MYO9B: variants seen among roughly 807,000 people sequenced by gnomAD.
The protein encoded by MYO9B is myosin IXB, also known as unconventional myosin-IXb.
Under a neutral mutation model 229.5 loss-of-function variants are expected in MYO9B, and 71 were observed. That is an observed-to-expected ratio of 0.31 (90% CI 0.26 to 0.38). The LOEUF is 0.38. Ranked by LOEUF, MYO9B falls within the 10% of genes least tolerant of loss-of-function variation. The pLI is 1.00. For missense variants in MYO9B, 2,255 were observed against 2,920.5 expected (o/e 0.77, Z 5.25); for synonymous variants, 1,185 against 1,235.8 (o/e 0.96, Z 0.86).
chr19:17,118,515 T>C (rs962418336), intron 2 of MYO9B, among the ~76,000 whole-genome samples: 4 of 152,024 alleles, frequency 2.6e-5, no homozygotes, highest in African/African-American at 9.7e-5. Flanking sequence ...AGAGTTTCAC[T>C]CTGTCACCCA....
chr19:17,116,652 G>A (rs150657154), intron 2 of MYO9B, among the ~76,000 whole-genome samples: 139 of 152,280 alleles, frequency 9.1e-4, no homozygotes, highest in Non-Finnish European at 1.7e-3. Context: ...AGCAGCAGGC[G>A]CTGTGAGGGG....
chr19:17,113,388 A>G (rs990652669), intron 2 of MYO9B, among the ~76,000 whole-genome samples: 6 of 152,186 alleles, frequency 3.9e-5, no homozygotes, highest in African/African-American at 1.4e-4. Flanking sequence ...GGGTAGGCGC[A>G]CTGCTGTGGT....
chr19:17,113,291 C>T (rs1056362101), intron 2 of MYO9B, among the ~76,000 whole-genome samples: 7 of 152,054 alleles, frequency 4.6e-5, no homozygotes, highest in African/African-American at 1.2e-4. Context: ...CAGCCTGGTG[C>T]ACTTCAAAGG....
intron 1 of MYO9B, among the ~76,000 whole-genome samples, chr19:17,078,666 T>C (rs2057508174): frequency 6.6e-6 from 1 of 152,180 alleles, no homozygotes; most frequent in African/African-American, 2.4e-5. Flanking sequence ...CAAGGGGGAT[T>C]CCAGCAAGTT....
chr19:17,209,783 TG>T lies in MYO9B; in HGVS notation c.5748+76del. On this transcript the variant is annotated intron_variant, in intron 36 of 39. Coordinates refer to ENST00000682292, the MANE Select transcript of MYO9B (RefSeq NM_004145.4). ...CTGGTGCTGGGCAGGGCCTTGGGCG[TG>T]GCTTTGTTGCTGGGAAGGCTGGTGA... The T allele has an allele frequency of 2.2e-6, 3 of 1,389,256 alleles. No homozygotes were observed. In the South Asian group the frequency reaches 3.8e-5, roughly 17 times the overall value. 86.1% of individuals were successfully genotyped at this position (1,389,256 alleles called of 1,614,324 possible). A position where few individuals can be genotyped will look rare whatever the true frequency, so the allele number is the denominator to read the frequency against.
chr19:17,124,930 A>G (rs1159188074), intron 2 of MYO9B, among the ~76,000 whole-genome samples: 1 of 152,118 alleles, frequency 6.6e-6, no homozygotes, highest in African/African-American at 2.4e-5. Flanking sequence ...GAACGGAAGT[A>G]AATGAATTCA....
At chr19:17,137,379 G>A (rs1415541488) in intron 2 of MYO9B, among the ~76,000 whole-genome samples, 1 of 152,106 alleles carries the variant, frequency 6.6e-6, no homozygotes, top group Non-Finnish European at 1.5e-5. Flanking sequence ...CTGGGCGACA[G>A]AGTGAGACCC....
At chr19:17,168,339 A>G (rs937724153) in intron 11 of MYO9B, among the ~76,000 whole-genome samples, 2 of 151,828 alleles carry the variant, frequency 1.3e-5, no homozygotes, top group African/African-American at 4.8e-5. Context: ...TAATTTTTGT[A>G]TTTCTTTGTA....
chr19:17,161,987 CA>C (rs71180369), intron 8 of MYO9B, among the ~76,000 whole-genome samples: 4,522 of 110,210 alleles, frequency 0.041, 219 homozygotes, highest in African/African-American at 0.14. Context: ...GACCCTGTGT[CA>C]AAAAAAAAAA....
chr19:17,184,112 G>A (rs1241053854), intron 16 of MYO9B: 1 of 536,320 alleles, frequency 1.9e-6, no homozygotes, highest in Non-Finnish European at 3.3e-6. Flanking sequence ...GGGCTTACGT[G>A]AGAAGGCAGA....
Position 17,162,662 on chromosome 19 carries a change from G to T in MYO9B, c.1536+196G>T, listed in dbSNP as rs191442827. Among the ~76,000 whole-genome samples, 167 of 152,040 alleles carry T rather than the reference G, an allele frequency of 1.1e-3. 1 individual carries two copies. Among genetic ancestry groups the T allele is most frequent in the Middle Eastern group, 3.4e-3 (1 of 294 alleles). On this transcript the variant is annotated intron_variant, in intron 9 of 39. Transcript: ENST00000682292. ...GCCCAGGGCAGAATGAAAACATAAG[G>T]CCCCTTATTCAAAAACGACAGATTC...
intron 4 of MYO9B, 122 bp from the exon 5 acceptor site, chr19:17,153,845 T>A: frequency 1.4e-6 from 1 of 718,834 alleles, no homozygotes; most frequent in South Asian, 1.6e-5. Flanking sequence ...AGAACTGACG[T>A]ACTGTTTTAA....
At chr19:17,171,782 T>C (rs2072727530) in intron 11 of MYO9B, among the ~76,000 whole-genome samples, 1 of 151,882 alleles carries the variant, frequency 6.6e-6, no homozygotes, top group South Asian at 2.1e-4. Flanking sequence ...CAAGTCCCCT[T>C]CTCTTAAGAA....
intron 1 of MYO9B, among the ~76,000 whole-genome samples, chr19:17,079,849 G>T: frequency 6.6e-6 from 1 of 152,158 alleles, no homozygotes; most frequent in East Asian, 1.9e-4. Context: ...CGGCCTCTCG[G>T]CAAAGCAAGA....
At chr19:17,184,333 C>T (rs888846269) in intron 16 of MYO9B, among the ~76,000 whole-genome samples, 6 of 152,198 alleles carry the variant, frequency 3.9e-5, no homozygotes, top group Non-Finnish European at 7.3e-5. Flanking sequence ...CGCTCTGTCT[C>T]GTTTCCACAT....
chr19:17,109,092 A>T (rs1208862961), intron 2 of MYO9B, among the ~76,000 whole-genome samples: 1 of 136,336 alleles, frequency 7.3e-6, no homozygotes, highest in African/African-American at 2.8e-5. Context: ...TTTGAAACAG[A>T]GTTTCTCTCT....
intron 4 of MYO9B, 164 bp downstream of exon 4, chr19:17,152,870 C>G: frequency 1.6e-6 from 1 of 620,786 alleles, no homozygotes; most frequent in Non-Finnish European, 2.8e-6. Context: ...TCTCCCCAGA[C>G]CTGCCCCTGT....
Position 17,212,409 on chromosome 19 carries a change from C to A in MYO9B, c.*99C>A. On this transcript the variant is annotated 3_prime_UTR_variant, in exon 40 of 40. Coordinates refer to ENST00000682292, the MANE Select transcript of MYO9B (RefSeq NM_004145.4). This position sits in a 1 kb window ranked among gnomAD's most constrained non-coding sequence, Gnocchi z 5.4. ...TAGTGTTCGGCCCTCAGAGAAGGAT[C>A]CAGAATCAAAAGCTCAAGAGTGACG... 7.5e-7 allele frequency: 1 copy of A among 1,337,536 alleles called. No individual in the cohort carries two copies. Among genetic ancestry groups the A allele is most frequent in the South Asian group, 1.6e-5 (1 of 61,678 alleles). 82.9% of individuals were successfully genotyped at this position (1,337,536 alleles called of 1,614,324 possible).
chr19:17,133,250 A>T (rs953643748), intron 2 of MYO9B, among the ~76,000 whole-genome samples: 6 of 152,224 alleles, frequency 3.9e-5, no homozygotes, highest in African/African-American at 1.4e-4. Flanking sequence ...TAATTAACGT[A>T]CGCGTTACCT....
Sources: gnomAD v4.1 joint callset for allele counts (sites outside exome capture counted in the v4.1 genomes callset) on GRCh38, gnomAD v4.1.1 for gene constraint, Gnocchi (gnomAD v3.1) non-coding constraint, MANE v1.5 for transcripts, NCBI Gene and HGNC (gene_info 2026-07-23, HGNC 2026-07-21) for gene names.